KIAA0586: variants seen among roughly 807,000 people sequenced by gnomAD.
The protein encoded by KIAA0586 is protein TALPID3.
Under a neutral mutation model 169.8 loss-of-function variants are expected in KIAA0586, and 144 were observed. The observed-to-expected ratio is 0.85, with a 90% CI of 0.74 to 0.97. KIAA0586 has a LOEUF of 0.97. Among genes scored for constraint, KIAA0586 ranks in the 50% least tolerant of loss-of-function variants. KIAA0586 has a pLI of 0.00. For missense variants in KIAA0586, 1,854 were observed against 1,823.0 expected (o/e 1.02, Z -0.31); for synonymous variants, 625 against 612.4 (o/e 1.02, Z -0.30).
intron 29 of KIAA0586, chr14:58,520,816 G>A (rs73295832): frequency 0.026 from 4,038 of 157,442 alleles, 195 homozygotes; most frequent in African/African-American, 0.092. Flanking sequence ...GTGAGCCACC[G>A]CACCTGGCAA....
rs962021537 is a variant in KIAA0586 at position 58,487,926 on chromosome 14, C to A, written c.3344C>A (p.Thr1115Lys). ...GCCATCATGCTTGTTAATACTCCAA[C>A]AGTTACCCCTACTACTACACCTCCT... ...MPAIMLVNTP[T>K]VTPTTTPPPA... Residue 1115 changes from threonine (T) to lysine (K), a missense_variant, in exon 23 of 31, where the codon ACA (threonine) becomes AAA (lysine). Physicochemically the swap from Thr to Lys is moderately conservative, Grantham distance 78. Transcript: ENST00000652326. 6.2e-7 allele frequency: 1 copy of A among 1,613,336 alleles called. No homozygotes were observed. The highest frequency in any genetic ancestry group is 8.5e-7 in the Non-Finnish European group (1 of 1,179,720).
intron 30 of KIAA0586, among the ~76,000 whole-genome samples, chr14:58,543,147 A>AAG (rs60648463): frequency 6.6e-6 from 1 of 150,882 alleles, no homozygotes; most frequent in Non-Finnish European, 1.5e-5. Flanking sequence ...AAAAAAAAAA[A>AAG]GAAAAGAAAC....
chr14:58,540,533 T>C (rs1595541648), intron 30 of KIAA0586, among the ~76,000 whole-genome samples: 1 of 152,342 alleles, frequency 6.6e-6, no homozygotes, highest in Admixed American at 6.5e-5. Context: ...AACAGATCTT[T>C]CACATTAACG....
At chr14:58,448,223 T>G (rs1369109107) in intron 6 of KIAA0586, 117 bp from the exon 7 acceptor site, 7 of 668,856 alleles carry the variant, frequency 1.0e-5, no homozygotes, top group African/African-American at 1.8e-5. Context: ...TACATATTTT[T>G]CATTGTTTAT....
At chr14:58,427,541 A>G (rs1383774752), upstream of KIAA0586, 17 of 1,513,828 alleles carry the variant, frequency 1.1e-5, no homozygotes, top group African/African-American at 2.8e-5. Context: ...TAAAATAAAT[A>G]AATAAATAAA....
rs2042506547 is a variant in KIAA0586 at position 58,487,088 on chromosome 14, G to A, written c.3226G>A (p.Val1076Ile). 3 of 1,613,424 alleles carry A rather than the reference G, an allele frequency of 1.9e-6. No individual in the cohort carries two copies. The highest frequency in any genetic ancestry group is 1.1e-5 in the South Asian group (1 of 91,060). The change falls in exon 22 of 31, where the codon GTA (valine) becomes ATA (isoleucine). Residue 1076 changes from valine to isoleucine, a missense_variant. Coordinates refer to ENST00000652326, the MANE Select transcript of KIAA0586 (RefSeq NM_001329943.3). ...ATCACCTGCTAAGGAGTGTGTTTTG[G>A]TAAAGACTCCAGATTCTTCTCCCTG... Reference protein sequence around the residue: ...PSSPAKECVLVKTPDSSPCDS... With the variant: ...PSSPAKECVLIKTPDSSPCDS...
intron 29 of KIAA0586, chr14:58,536,999 T>G (rs2046328219): frequency 1.6e-6 from 2 of 1,279,550 alleles, no homozygotes; most frequent in African/African-American, 1.5e-5. Flanking sequence ...ATTATGTTTT[T>G]TTTTCAGTTT....
In KIAA0586 at chr14:58,428,049, T is replaced by C. The variant is rs924582637; in HGVS notation, c.-216T>C. ...TCCCCACTTTCACATTTTGGCGTGG[T>C]GTATTAATAGACTGAGTGGGATTAA... On this transcript the variant is annotated 5_prime_UTR_variant, in exon 1 of 31. Transcript: ENST00000652326. 6 of 1,433,388 alleles carry C rather than the reference T, an allele frequency of 4.2e-6. No homozygotes were observed. The highest frequency in any genetic ancestry group is 1.4e-5 in the African/African-American group (1 of 69,602). 88.8% of individuals were successfully genotyped at this position (1,433,388 alleles called of 1,614,324 possible).
intron 21 of KIAA0586, 71 bp from the exon 22 acceptor site, chr14:58,486,936 T>G: frequency 8.0e-7 from 1 of 1,256,350 alleles, no homozygotes; most frequent in Non-Finnish European, 1.1e-6. Flanking sequence ...TATGAATGAG[T>G]TCATATTATT....
At chr14:58,559,880 C>T in the KIAA0586 span, among the ~76,000 whole-genome samples, 2 of 152,138 alleles carry the variant, frequency 1.3e-5, no homozygotes, top group Non-Finnish European at 2.9e-5. Flanking sequence ...CAGCCGGGCG[C>T]GGTGGCTCAC....
At chr14:58,499,090 G>A in intron 27 of KIAA0586, 130 bp downstream of exon 27, 1 of 774,190 alleles carries the variant, frequency 1.3e-6, no homozygotes, top group East Asian at 2.8e-5. Flanking sequence ...TAATTGGAAA[G>A]TTTGGTGATA....
chr14:58,485,327 A>G (rs1486363470), intron 21 of KIAA0586, among the ~76,000 whole-genome samples: 1 of 152,096 alleles, frequency 6.6e-6, no homozygotes, highest in Non-Finnish European at 1.5e-5. Flanking sequence ...TCAACCTCAT[A>G]GATAATAAGA....
At chr14:58,484,927 T>TATAAA (rs1566877437) in intron 21 of KIAA0586, among the ~76,000 whole-genome samples, 1 of 37,668 alleles carries the variant, frequency 2.7e-5, no homozygotes, top group African/African-American at 1.0e-4. Context: ...TATATATATT[T>TATAAA]TTTTTTTTTT....
intron 20 of KIAA0586, 44 bp downstream of exon 20, chr14:58,477,285 AG>A: frequency 9.9e-7 from 1 of 1,010,634 alleles, no homozygotes; most frequent in Non-Finnish European, 1.5e-6. Context: ...AAAAGACAAA[AG>A]CTTTAGTTCA....
At chr14:58,470,182 A>T (rs1051882384) in intron 16 of KIAA0586, among the ~76,000 whole-genome samples, 1 of 152,116 alleles carries the variant, frequency 6.6e-6, no homozygotes, top group Admixed American at 6.6e-5. Flanking sequence ...CAATTGAAAC[A>T]TAATTAAATA....
intron 29 of KIAA0586, among the ~76,000 whole-genome samples, chr14:58,529,260 G>A (rs1176719209): frequency 2.6e-5 from 4 of 152,088 alleles, no homozygotes; most frequent in African/African-American, 7.2e-5. Flanking sequence ...ATTCACAGGC[G>A]AATTCTACCA....
rs189825796 is a variant in KIAA0586, at chr14:58,482,294, C to G, written c.2945-219C>G. ...TACAAAAATTAGCCAGGCATGGTGACGCGTGCCTGTAGTCCCAGCTATTCA... is the reference window on the plus strand; with the variant it reads ...TACAAAAATTAGCCAGGCATGGTGAGGCGTGCCTGTAGTCCCAGCTATTCA... On this transcript the variant is annotated intron_variant, in intron 20 of 30. Transcript: ENST00000652326. 2.6e-5 allele frequency among the ~76,000 whole-genome samples: 4 copies of G among 152,038 alleles called. No homozygotes were observed. In the East Asian group the frequency reaches 7.9e-4, roughly 30 times the overall value.
intron 14 of KIAA0586, among the ~76,000 whole-genome samples, chr14:58,464,851 T>C (rs1016892155): frequency 6.6e-6 from 1 of 152,128 alleles, no homozygotes; most frequent in Non-Finnish European, 1.5e-5. Context: ...ATTCATGTCC[T>C]GGGCAGGATG....
chr14:58,506,655 C>T (rs2043967864), intron 27 of KIAA0586, among the ~76,000 whole-genome samples: 1 of 150,880 alleles, frequency 6.6e-6, no homozygotes, highest in Non-Finnish European at 1.5e-5. Flanking sequence ...CCACTGCACT[C>T]CAGCCTGGGT....
Sources: allele counts gnomAD v4.1 joint callset (sites outside exome capture counted in the v4.1 genomes callset), GRCh38; gene constraint gnomAD v4.1.1; transcripts MANE v1.5; gene names NCBI Gene and HGNC (gene_info 2026-07-23, HGNC 2026-07-21).